TBCK: variants seen among roughly 807,000 people sequenced by gnomAD.
TBCK encodes the protein TBC1 domain containing kinase.
In TBCK, 99 loss-of-function variants were observed where a neutral mutation model predicts 113.4. The observed-to-expected ratio is 0.87, with a 90% CI of 0.74 to 1.03. The LOEUF (loss-of-function observed/expected upper bound fraction) is 1.03, where lower values mean the gene tolerates loss of function less well. Ranked by LOEUF, TBCK falls within the 50% of genes least tolerant of loss-of-function variation. The pLI is 0.00. For missense variants in TBCK, 1,045 were observed against 1,061.3 expected (o/e 0.98, Z 0.21); for synonymous variants, 369 against 370.8 (o/e 1.00, Z 0.05).
At chr4:106,221,627 T>C (rs897807309) in intron 19 of TBCK, among the ~76,000 whole-genome samples, 1 of 151,642 alleles carries the variant, frequency 6.6e-6, no homozygotes, top group Non-Finnish European at 1.5e-5. Flanking sequence ...AAAATAAATA[T>C]ATGCCTTTTG....
intron 25 of TBCK, among the ~76,000 whole-genome samples, chr4:106,078,694 T>A (rs1158421902): frequency 6.6e-6 from 1 of 150,774 alleles, no homozygotes; most frequent in Non-Finnish European, 1.5e-5. Flanking sequence ...AGCCAAATTC[T>A]CCCAGACATA....
At chr4:106,075,197 G>C (rs377296729) in intron 25 of TBCK, among the ~76,000 whole-genome samples, 12 of 152,290 alleles carry the variant, frequency 7.9e-5, no homozygotes, top group African/African-American at 2.9e-4. Context: ...AAGATGTAAA[G>C]TACATGCAAG....
At chr4:106,273,267 A>C (rs768758181) in intron 3 of TBCK, among the ~76,000 whole-genome samples, 3 of 152,238 alleles carry the variant, frequency 2.0e-5, no homozygotes, top group Non-Finnish European at 4.4e-5. Flanking sequence ...TAGACATAAT[A>C]AATTTTTATA....
intron 3 of TBCK, among the ~76,000 whole-genome samples, chr4:106,293,185 CTAGAT>C (rs1297217561): frequency 6.6e-6 from 1 of 152,164 alleles, no homozygotes; most frequent in Non-Finnish European, 1.5e-5. Context: ...TCCATACATT[CTAGAT>C]TAAAGTCAAG....
chr4:106,316,267 G>C, upstream of TBCK: 1 of 355,796 alleles, frequency 2.8e-6, no homozygotes, highest in Non-Finnish European at 5.2e-6. Flanking sequence ...ACCCAACGCT[G>C]AGGAAAGACC....
In TBCK at chr4:106,136,196, T is replaced by C. The variant is rs139834401; in HGVS notation, c.2236-19818A>G. Among the ~76,000 whole-genome samples, 75 of 140,624 alleles carry C rather than the reference T, an allele frequency of 5.3e-4. 8 individuals are homozygous for C. In the East Asian group the frequency reaches 0.015, roughly 27 times the overall value. The allele number at this position is 140,624 out of a possible 152,430, so 92.3% of individuals were successfully genotyped here. A position where few individuals can be genotyped will look rare whatever the true frequency, so the allele number is the denominator to read the frequency against. Reference sequence around the variant, plus strand: ...TTTTCTGTTATTTTTCCTTGGTCTATAAATACATGCAATTCCATCCATCTA... The same window carrying C: ...TTTTCTGTTATTTTTCCTTGGTCTACAAATACATGCAATTCCATCCATCTA... On this transcript the variant is annotated intron_variant, in intron 23 of 25. Transcript: ENST00000394708.
intron 23 of TBCK, among the ~76,000 whole-genome samples, chr4:106,132,298 G>A (rs1438514013): frequency 6.6e-6 from 1 of 152,168 alleles, no homozygotes; most frequent in Non-Finnish European, 1.5e-5. Flanking sequence ...CTCATGACAT[G>A]GTGCCCTGCA....
At chr4:106,197,124 T>C (rs947780902) in intron 20 of TBCK, among the ~76,000 whole-genome samples, 2 of 152,038 alleles carry the variant, frequency 1.3e-5, no homozygotes. Flanking sequence ...ATTTACTGCA[T>C]GCAAAGAAGT....
intron 25 of TBCK, among the ~76,000 whole-genome samples, chr4:106,058,740 G>A (rs1735711507): frequency 6.6e-6 from 1 of 151,716 alleles, no homozygotes; most frequent in Non-Finnish European, 1.5e-5. Flanking sequence ...ACTTCATTTT[G>A]AAGGCAACGG....
intron 23 of TBCK, among the ~76,000 whole-genome samples, chr4:106,123,472 C>T: frequency 6.6e-6 from 1 of 152,078 alleles, no homozygotes; most frequent in Non-Finnish European, 1.5e-5. Flanking sequence ...GATTCAATGC[C>T]ATCCCCATAA....
rs538671589 is a variant in TBCK at position 106,215,894 on chromosome 4, C to T, written c.1775-3059G>A. Reference sequence around the variant, plus strand: ...ATAGACATCTACAGAACTCTCCACCCCAAATCAACAGAATATACATTTTTT... The same window carrying T: ...ATAGACATCTACAGAACTCTCCACCTCAAATCAACAGAATATACATTTTTT... On this transcript the variant is annotated intron_variant, in intron 19 of 25. Transcript: ENST00000394708. Among the ~76,000 whole-genome samples the T allele has an allele frequency of 1.1e-4, 17 of 151,614 alleles. No homozygotes were observed. In the East Asian group the frequency reaches 3.1e-3, roughly 28 times the overall value.
rs577943537 is a variant in TBCK at position 106,172,773 on chromosome 4, T to A, written c.2060-1503A>T. Reference sequence around the variant, plus strand: ...AAAAGAAGGTAACACTGACCATCTATTATGTGACAGGTATTGTATACTTTC... The same window carrying A: ...AAAAGAAGGTAACACTGACCATCTAATATGTGACAGGTATTGTATACTTTC... On this transcript the variant is annotated intron_variant, in intron 22 of 25. Transcript: ENST00000394708. Among the ~76,000 whole-genome samples the A allele has an allele frequency of 4.3e-4, 65 of 152,202 alleles. 1 individual carries two copies. The South Asian group carries it at 0.013, about 30-fold the overall frequency.
chr4:106,307,903 T>C (rs1392162098), intron 2 of TBCK, among the ~76,000 whole-genome samples: 1 of 151,984 alleles, frequency 6.6e-6, no homozygotes, highest in Admixed American at 6.5e-5. Flanking sequence ...ACCAATAGGG[T>C]TCAACTTTTC....
intron 23 of TBCK, among the ~76,000 whole-genome samples, chr4:106,137,495 A>C (rs1350802431): frequency 7.1e-6 from 1 of 140,614 alleles, no homozygotes. Context: ...TTTAACAAGA[A>C]AAGTTACCTT....
Position 106,233,037 on chromosome 4 carries a change from G to A in TBCK, c.1540C>T (p.Gln514Ter). 6.2e-7 allele frequency: 1 copy of A among 1,611,600 alleles called. No homozygotes were observed. The highest frequency in any genetic ancestry group is 8.5e-7 in the Non-Finnish European group (1 of 1,178,404). Residue 514 changes from glutamine to a stop codon, truncating the protein, a stop_gained, in exon 17 of 26, where the codon CAG becomes TAG. Coordinates refer to ENST00000394708, the MANE Select transcript of TBCK (RefSeq NM_001163435.3). LOFTEE classifies it high-confidence loss of function. ...GGTGATGATAACAGTTCATCGTACT[G>A]ATGACAGCGAGGAATATCCACTTCA... ...QIEVDIPRCH[Q>*]YDELLSSPEG...
chr4:106,237,897 C>T (rs946141491), intron 12 of TBCK, among the ~76,000 whole-genome samples: 4 of 151,974 alleles, frequency 2.6e-5, no homozygotes, highest in Non-Finnish European at 2.9e-5. Context: ...AATTAAGTAT[C>T]TTGTCTGTCT....
chr4:106,115,849 C>CT (rs1359409122), intron 24 of TBCK, among the ~76,000 whole-genome samples: 9 of 152,180 alleles, frequency 5.9e-5, no homozygotes, highest in Non-Finnish European at 1.0e-4. Context: ...TTTCTCTAGG[C>CT]TATGAGGTAA....
At chr4:106,112,928 C>T (rs1362520477) in intron 24 of TBCK, among the ~76,000 whole-genome samples, 1 of 152,208 alleles carries the variant, frequency 6.6e-6, no homozygotes. Context: ...TGCCAGCTCA[C>T]AGGCACGTTC....
chr4:106,126,107 G>C (rs915686498), intron 23 of TBCK, among the ~76,000 whole-genome samples: 3 of 152,002 alleles, frequency 2.0e-5, no homozygotes, highest in Non-Finnish European at 2.9e-5. Flanking sequence ...TTGTTCCTTC[G>C]CTTAGAAAGC....
Sources: gnomAD v4.1 joint callset for allele counts (sites outside exome capture counted in the v4.1 genomes callset) on GRCh38, gnomAD v4.1.1 for gene constraint, MANE v1.5 for transcripts, NCBI Gene and HGNC (gene_info 2026-07-23, HGNC 2026-07-21) for gene names.